Variants in PCDHGA2 observed in about 807,000 individuals in gnomAD.
PCDHGA2 encodes protocadherin gamma-A2.
Under a neutral mutation model 59.2 loss-of-function variants are expected in PCDHGA2, and 40 were observed. That is an observed-to-expected ratio of 0.68 (90% confidence interval 0.52 to 0.88). The LOEUF is 0.88. Ranked by LOEUF, PCDHGA2 falls within the 40% of genes least tolerant of loss-of-function variation. The pLI, the probability that PCDHGA2 is intolerant of heterozygous loss-of-function variation, is 0.00. For synonymous variants in PCDHGA2, 560 were observed against 526.0 expected (o/e 1.06, Z -0.89); for missense variants, 1,226 against 1,204.0 (o/e 1.02, Z -0.27).
chr5:141,384,431 C>T (rs750392601), intron 1 of PCDHGA2: 1 of 1,614,000 alleles, frequency 6.2e-7, no homozygotes, highest in South Asian at 1.1e-5. Context: ...AACTCTGACA[C>T]TGGAGTCCTG....
At chr5:141,374,527 A>T (rs1429830664) in intron 1 of PCDHGA2, 7 of 1,613,074 alleles carry the variant, frequency 4.3e-6, no homozygotes, top group Non-Finnish European at 5.9e-6. Flanking sequence ...ACGCAGCTCC[A>T]TCCTCTCGTT....
At chr5:141,366,618 C>G (rs781279706) in intron 1 of PCDHGA2, 26 of 1,614,114 alleles carry the variant, frequency 1.6e-5, no homozygotes, top group Middle Eastern at 3.3e-4. Flanking sequence ...ACCGCGGACT[C>G]GAGGAAGAGT....
In PCDHGA2 at chr5:141,431,777, G is replaced by T. The variant is rs151011884; in HGVS notation, c.2425-63030G>T. 5,401 of 1,614,186 alleles carry T rather than the reference G, an allele frequency of 3.3e-3. 6 individuals are homozygous for T. Among genetic ancestry groups the T allele is most frequent in the Non-Finnish European group, 4.2e-3 (4,899 of 1,180,002 alleles). On this transcript the variant is annotated intron_variant, in intron 1 of 3. Coordinates refer to ENST00000394576, the MANE Select transcript of PCDHGA2 (RefSeq NM_018915.4). The surrounding 1 kb of genome is among the most constrained non-coding windows in gnomAD (Gnocchi z 4.8). ...CAAAGTCCTGATCACTGTTCTGGAC[G>T]TGAACGACAATGCCCCAGAAGTGGT...
At chr5:141,496,799 G>C (rs2099771487) in intron 2 of PCDHGA2, among the ~76,000 whole-genome samples, 1 of 151,912 alleles carries the variant, frequency 6.6e-6, no homozygotes, top group African/African-American at 2.4e-5. Context: ...TAAACATTGG[G>C]CTATAGGAGT....
chr5:141,487,810 C>G lies in PCDHGA2; in HGVS notation c.2425-6997C>G, dbSNP rs377060474. ...ATTAACCAGAGTTGTCACAGTTTAGCATTGGGGGCGGGTCATGCCTATATC... is the reference window on the plus strand; with the variant it reads ...ATTAACCAGAGTTGTCACAGTTTAGGATTGGGGGCGGGTCATGCCTATATC... On this transcript the variant is annotated intron_variant, in intron 1 of 3. Coordinates refer to ENST00000394576, the MANE Select transcript of PCDHGA2 (RefSeq NM_018915.4). The surrounding 1 kb of genome is among the most constrained non-coding windows in gnomAD (Gnocchi z 5.0). 7.1e-7 allele frequency: 1 copy of G among 1,417,854 alleles called. No homozygotes were observed. The highest frequency in any genetic ancestry group is 2.1e-5 in the Admixed American group (1 of 47,076). The allele number at this position is 1,417,854 out of a possible 1,614,324, so 87.8% of individuals were successfully genotyped here.
intron 1 of PCDHGA2, 70 bp downstream of exon 1, chr5:141,341,465 T>G: frequency 3.1e-6 from 5 of 1,593,898 alleles, no homozygotes; most frequent in Non-Finnish European, 4.3e-6. Flanking sequence ...GTTTACTATA[T>G]CTATTTTGTT....
At chr5:141,364,917 T>A in intron 1 of PCDHGA2, 1 of 1,613,946 alleles carries the variant, frequency 6.2e-7, no homozygotes, top group Non-Finnish European at 8.5e-7. Context: ...GAGCTGGTGT[T>A]GGAACAGCCC....
intron 1 of PCDHGA2, among the ~76,000 whole-genome samples, chr5:141,433,465 C>T (rs1386201581): frequency 6.6e-6 from 1 of 152,060 alleles, no homozygotes; most frequent in Non-Finnish European, 1.5e-5. Context: ...GAAACTTGGG[C>T]TCAGGCTAGC....
At chr5:141,440,983 G>A (rs2154559140) in intron 1 of PCDHGA2, 1 of 152,314 alleles carries the variant, frequency 6.6e-6, no homozygotes, top group South Asian at 2.1e-4. Flanking sequence ...TCACAACCCA[G>A]AGTACCCATA....
At chr5:141,423,251 ACCTCGGCAG>A (rs770264100) in intron 1 of PCDHGA2, 3 of 1,613,726 alleles carry the variant, frequency 1.9e-6, no homozygotes, top group African/African-American at 2.7e-5. Flanking sequence ...GTCCTGGCGG[ACCTCGGCAG>A]CCTCGAGTCT....
intron 1 of PCDHGA2, chr5:141,355,008 C>T (rs959780132): frequency 5.0e-6 from 4 of 807,362 alleles, no homozygotes; most frequent in Admixed American, 3.6e-5. Context: ...AAAGACAAAC[C>T]AGAAATTTAA....
At chr5:141,436,738 G>T (rs1207400781) in intron 1 of PCDHGA2, among the ~76,000 whole-genome samples, 2 of 152,306 alleles carry the variant, frequency 1.3e-5, no homozygotes, top group South Asian at 2.1e-4. Context: ...AATGATTTTT[G>T]TGTGCTTCTC....
chr5:141,497,125 G>A (rs968031174), intron 2 of PCDHGA2, among the ~76,000 whole-genome samples: 1 of 152,094 alleles, frequency 6.6e-6, no homozygotes, highest in South Asian at 2.1e-4. Context: ...GGCAGAGGTT[G>A]CAGTGAGCTG....
In PCDHGA2 at chr5:141,350,224, A is replaced by G. The variant is rs545607392; in HGVS notation, c.2424+8829A>G. On this transcript the variant is annotated intron_variant, in intron 1 of 3. Coordinates refer to ENST00000394576, the MANE Select transcript of PCDHGA2 (RefSeq NM_018915.4). ...GTGCTGCCATTTCTTTTTGAAAAAC[A>G]TCCCAGAGGAAAGAAGCTCCGCGGA... is the stretch of plus-strand genomic sequence containing the variant. The G allele has an allele frequency of 1.7e-5, 26 of 1,496,556 alleles. No individual in the cohort carries two copies. In the East Asian group the frequency reaches 6.0e-4, roughly 35 times the overall value. The allele number at this position is 1,496,556 out of a possible 1,614,324, so 92.7% of individuals were successfully genotyped here.
Position 141,464,191 on chromosome 5 carries a change from G to C in PCDHGA2, c.2425-30616G>C, listed in dbSNP as rs185888723. Among the ~76,000 whole-genome samples, 583 of 151,818 alleles carry C rather than the reference G, an allele frequency of 3.8e-3. 6 individuals are homozygous for C. Among genetic ancestry groups the C allele is most frequent in the Admixed American group, 0.011 (166 of 15,202 alleles). On this transcript the variant is annotated intron_variant, in intron 1 of 3. Transcript: ENST00000394576. ...GAGGCAGGAGAATTGCTTGATTTCA[G>C]GAGGCGGAGATTGCAGTGAGCTGAG...
intron 1 of PCDHGA2, chr5:141,350,534 A>G (rs1758496853): frequency 6.2e-7 from 1 of 1,614,012 alleles, no homozygotes; most frequent in East Asian, 2.2e-5. Flanking sequence ...TCGAGAGAAG[A>G]TTTGCGGAAG....
At chr5:141,438,739 G>A (rs1264194876) in intron 1 of PCDHGA2, among the ~76,000 whole-genome samples, 1 of 149,040 alleles carries the variant, frequency 6.7e-6, no homozygotes, top group African/African-American at 2.5e-5. Context: ...TCAGCTCACT[G>A]CAACCTCTGC....
rs1355278714 is a variant in PCDHGA2 at position 141,398,651 on chromosome 5, A to G, written c.2424+57256A>G. 10 of 1,613,998 alleles carry G rather than the reference A, an allele frequency of 6.2e-6. No homozygotes were observed. The South Asian group carries it at 1.1e-4, about 18-fold the overall frequency. On this transcript the variant is annotated intron_variant, in intron 1 of 3. Coordinates refer to ENST00000394576, the MANE Select transcript of PCDHGA2 (RefSeq NM_018915.4). ...CTGCAGAAGTATAAACTCTCTCTTA[A>G]CCCAAGTTTCTCATTAATAATTAAG... is the stretch of plus-strand genomic sequence containing the variant.
intron 1 of PCDHGA2, chr5:141,414,552 C>G: frequency 6.2e-7 from 1 of 1,613,984 alleles, no homozygotes; most frequent in Non-Finnish European, 8.5e-7. Context: ...TCTCTCAAGT[C>G]TCCTACTTTA....
Sources: allele counts gnomAD v4.1 joint callset (sites outside exome capture counted in the v4.1 genomes callset), GRCh38; gene constraint gnomAD v4.1.1; non-coding constraint Gnocchi (gnomAD v3.1); transcripts MANE v1.5; gene names NCBI Gene and HGNC (gene_info 2026-07-23, HGNC 2026-07-21).